Variants in CEP162 observed in about 807,000 individuals in gnomAD.
CEP162 encodes the protein centrosomal protein of 162 kDa.
CEP162 carries 141 observed loss-of-function variants against 169.2 expected under a neutral mutation model. That is an observed-to-expected ratio of 0.83 (90% CI 0.73 to 0.96). The LOEUF (loss-of-function observed/expected upper bound fraction) is 0.96, where lower values mean the gene tolerates loss of function less well. Ranked by LOEUF, CEP162 falls within the 40% of genes least tolerant of loss-of-function variation. The probability of loss-of-function intolerance (pLI) is 0.00; values close to 1 mark genes in which losing one functional copy is unlikely to be tolerated. For missense variants in CEP162, 1,600 were observed against 1,587.2 expected, an observed-to-expected ratio of 1.01 and a Z score of -0.14; for synonymous variants, 540 against 526.4, an observed-to-expected ratio of 1.03 and a Z score of -0.35.
At chr6:84,185,539 A>T (rs926040127) in intron 12 of CEP162, 91 bp from the exon 13 acceptor site, 2 of 1,121,530 alleles carry the variant, frequency 1.8e-6, no homozygotes, top group Non-Finnish European at 2.5e-6. Context: ...AACAATAGTG[A>T]TTATCAAATA....
chr6:84,196,138 C>T (rs1270824139), intron 9 of CEP162, among the ~76,000 whole-genome samples: 2 of 152,160 alleles, frequency 1.3e-5, no homozygotes, highest in Non-Finnish European at 1.5e-5. Flanking sequence ...GTAACTCCCA[C>T]AATTCTCATG....
chr6:84,196,382 C>T (rs1036637580), intron 9 of CEP162, among the ~76,000 whole-genome samples: 2 of 152,148 alleles, frequency 1.3e-5, no homozygotes, highest in East Asian at 3.8e-4. Flanking sequence ...TACAATAAAC[C>T]CTTTTTCCTG....
intron 21 of CEP162, among the ~76,000 whole-genome samples, chr6:84,155,986 C>T (rs746018324): frequency 2.0e-5 from 3 of 152,096 alleles, no homozygotes; most frequent in Admixed American, 6.6e-5. Context: ...AATTGTACTA[C>T]GAGGCTATAG....
intron 12 of CEP162, 86 bp from the exon 13 acceptor site, chr6:84,185,534 T>C (rs1490154777): frequency 1.7e-6 from 2 of 1,157,700 alleles, no homozygotes; most frequent in African/African-American, 1.5e-5. Flanking sequence ...GGCAAAACAA[T>C]AGTGATTATC....
At chr6:84,128,293 T>C (rs193130303) in intron 25 of CEP162, among the ~76,000 whole-genome samples, 17 of 152,312 alleles carry the variant, frequency 1.1e-4, no homozygotes, top group Admixed American at 9.8e-4. Context: ...CAAAACTGAA[T>C]ATGTACATAT....
intron 3 of CEP162, among the ~76,000 whole-genome samples, chr6:84,217,028 T>C (rs540031534): frequency 1.9e-4 from 29 of 152,346 alleles, no homozygotes; most frequent in Non-Finnish European, 2.9e-4. Flanking sequence ...ACTATGTACC[T>C]AGAACATTGT....
In CEP162 at chr6:84,152,795, T is replaced by C; in HGVS notation, c.3379A>G (p.Arg1127Gly). 2.5e-6 allele frequency: 4 copies of C among 1,613,618 alleles called. No homozygotes were observed. The highest frequency in any genetic ancestry group is 3.4e-6 in the Non-Finnish European group (4 of 1,179,766). The change falls in exon 23 of 27, where the codon AGA becomes GGA. Residue 1127 changes from arginine to glycine, a missense_variant. Physicochemically the swap from Arg to Gly is moderately radical, Grantham distance 125. Transcript: ENST00000403245. ...MMLSNQNSKG[R>G]EEMSAKRAKK... ...GCCCTTTTGGCAGACATTTCCTCTCTGCCCTTTGAGTTCTGATTTGATAGC... is the reference window on the plus strand; with the variant it reads ...GCCCTTTTGGCAGACATTTCCTCTCCGCCCTTTGAGTTCTGATTTGATAGC...
At chr6:84,198,713 T>C (rs1254107274) in intron 9 of CEP162, among the ~76,000 whole-genome samples, 1 of 152,172 alleles carries the variant, frequency 6.6e-6, no homozygotes, top group Admixed American at 6.5e-5. Context: ...ATAATGATGA[T>C]AATAACAACA....
In CEP162 at chr6:84,186,467, A is replaced by G; in HGVS notation, c.1266T>C (p.Ser422=). ...TTACTTGTGGACAGCTGTTTTCCAT[A>G]CTCTCATTTGTGGTCTTTTGTAAAA... ...NVILQKTTNE[S]MENSCPQVTE... The change falls in exon 12 of 27, where the codon AGT becomes AGC. Residue 422 remains serine (S), a synonymous_variant. Transcript: ENST00000403245. The G allele has an allele frequency of 1.9e-6, 3 of 1,613,102 alleles. No individual in the cohort carries two copies. Among genetic ancestry groups the G allele is most frequent in the Non-Finnish European group, 2.5e-6 (3 of 1,179,394 alleles).
At chr6:84,204,799 T>C (rs533271395) in intron 6 of CEP162, among the ~76,000 whole-genome samples, 80 of 152,226 alleles carry the variant, frequency 5.3e-4, no homozygotes, top group African/African-American at 1.9e-3. Flanking sequence ...AGCTGGTTTT[T>C]TGAAAAGATC....
intron 6 of CEP162, among the ~76,000 whole-genome samples, chr6:84,205,638 C>T (rs1020373495): frequency 6.6e-6 from 1 of 152,110 alleles, no homozygotes; most frequent in African/African-American, 2.4e-5. Flanking sequence ...AAGCTGGAAG[C>T]ATTCCCTTTG....
At position 84,194,951 on chromosome 6, in the gene CEP162, C is replaced by G; in HGVS notation, c.960G>C (p.Lys320Asn). ...KIESNTVEDI[K>N]SSVKGHPQEN... Reference sequence around the variant, plus strand: ...CTTGAGGATGACCTTTCACTGAGCTCTTGATATCTTCCACTGTGTTACTCT... The same window carrying G: ...CTTGAGGATGACCTTTCACTGAGCTGTTGATATCTTCCACTGTGTTACTCT... Residue 320 changes from lysine to asparagine, a missense_variant, in exon 10 of 27, where the codon AAG (lysine) becomes AAC (asparagine). Coordinates refer to ENST00000403245, the MANE Select transcript of CEP162 (RefSeq NM_014895.4). The G allele has an allele frequency of 6.2e-7, 1 of 1,613,552 alleles. No homozygotes were observed. Among genetic ancestry groups the G allele is most frequent in the Non-Finnish European group, 8.5e-7 (1 of 1,179,688 alleles).
At chr6:84,222,914 GA>G (rs2099554268) in intron 2 of CEP162, among the ~76,000 whole-genome samples, 1 of 152,228 alleles carries the variant, frequency 6.6e-6, no homozygotes, top group African/African-American at 2.4e-5. Flanking sequence ...GAGGAGGGAA[GA>G]AAAAATATTC....
intron 3 of CEP162, among the ~76,000 whole-genome samples, chr6:84,218,836 A>G (rs1439285006): frequency 2.0e-5 from 3 of 152,240 alleles, no homozygotes; most frequent in African/African-American, 7.2e-5. Context: ...AGTATATGCC[A>G]AGGTTGGTGT....
Position 84,125,066 on chromosome 6 carries a change from TCTATTAATA to T in CEP162, c.4207_*3del. 6.2e-7 allele frequency: 1 copy of T among 1,607,150 alleles called. No homozygotes were observed. Among genetic ancestry groups the T allele is most frequent in the Non-Finnish European group, 8.5e-7 (1 of 1,174,922 alleles). On this transcript the variant is annotated stop_lost and 3_prime_UTR_variant, in exon 27 of 27. Coordinates refer to ENST00000403245, the MANE Select transcript of CEP162 (RefSeq NM_014895.4). ...ATAAGGTCATTATGAAATCTGAATT[TCTATTAATA>T]CTCTGGTGCATTCATTTCATCTGCA...
intron 22 of CEP162, among the ~76,000 whole-genome samples, chr6:84,154,534 T>C (rs1476064140): frequency 1.3e-5 from 2 of 152,114 alleles, no homozygotes; most frequent in Non-Finnish European, 2.9e-5. Flanking sequence ...ATTTGTTGCT[T>C]TTCTCGGGAT....
At chr6:84,182,333 TAAGAG>T (rs1280832786) in intron 13 of CEP162, among the ~76,000 whole-genome samples, 2 of 151,966 alleles carry the variant, frequency 1.3e-5, no homozygotes, top group African/African-American at 4.8e-5. Flanking sequence ...TAATTCTTAA[TAAGAG>T]AAGACAATAA....
intron 11 of CEP162, among the ~76,000 whole-genome samples, chr6:84,192,544 A>AT (rs2099540364): frequency 6.6e-6 from 1 of 152,198 alleles, no homozygotes; most frequent in African/African-American, 2.4e-5. Flanking sequence ...TCACTGCATC[A>AT]TTTTTTTCTC....
At chr6:84,177,138 G>A (rs1261139975) in intron 13 of CEP162, among the ~76,000 whole-genome samples, 2 of 152,150 alleles carry the variant, frequency 1.3e-5, no homozygotes, top group Non-Finnish European at 2.9e-5. Flanking sequence ...ATGGCCATGT[G>A]TGGCCAGTGG....
Sources: allele counts gnomAD v4.1 joint callset (sites outside exome capture counted in the v4.1 genomes callset), GRCh38; gene constraint gnomAD v4.1.1; transcripts MANE v1.5; gene names NCBI Gene and HGNC (gene_info 2026-07-23, HGNC 2026-07-21).